GSE1: variants seen among roughly 807,000 people sequenced by gnomAD.
GSE1 encodes the protein genetic suppressor element 1.
Under a neutral mutation model 112.6 loss-of-function variants are expected in GSE1, and 32 were observed. The ratio of observed to expected loss-of-function variants is 0.28; its 90% CI spans 0.21 to 0.38. GSE1 has a LOEUF of 0.38. Among genes scored for constraint, GSE1 ranks in the 10% least tolerant of loss-of-function variants. The probability of loss-of-function intolerance (pLI) is 1.00; values close to 1 mark genes in which losing one functional copy is unlikely to be tolerated. For missense variants in GSE1, 2,348 were observed against 1,699.2 expected (o/e 1.38, Z -6.71); for synonymous variants, 1,115 against 735.6 (o/e 1.52, Z -8.35).
At chr16:85,658,598 G>A (rs964873344) in intron 8 of GSE1, among the ~76,000 whole-genome samples, 1 of 152,178 alleles carries the variant, frequency 6.6e-6, no homozygotes, top group South Asian at 2.1e-4. Flanking sequence ...GGGATGACTG[G>A]GAGTGACTGT....
At chr16:85,245,831 C>G (rs1206825504) in intron 1 of GSE1, among the ~76,000 whole-genome samples, 1 of 152,042 alleles carries the variant, frequency 6.6e-6, no homozygotes, top group Admixed American at 6.5e-5. Context: ...CAAAACCCAA[C>G]CCTGAACTTT....
chr16:85,651,039 C>T (rs1236822135), intron 3 of GSE1, among the ~76,000 whole-genome samples: 1 of 121,236 alleles, frequency 8.2e-6, no homozygotes, highest in Admixed American at 7.8e-5. Context: ...CCTCCCCCTC[C>T]CCCTCCGCCC....
chr16:85,437,078 C>G lies in GSE1; in HGVS notation c.2464+79435C>G, dbSNP rs988385978. On this transcript the variant is annotated intron_variant, in intron 2 of 2. Transcript: ENST00000637419. ...GGGCGGGGGCATGGGCGCAGCCGGC[C>G]GGTCTCACAAGCTACCACACCCATG... Among the ~76,000 whole-genome samples the G allele has an allele frequency of 4.6e-5, 7 of 152,222 alleles. No homozygotes were observed. The South Asian group carries it at 1.2e-3, about 27-fold the overall frequency.
At chr16:85,460,810 T>C (rs1191770740) in intron 2 of GSE1, among the ~76,000 whole-genome samples, 1 of 105,920 alleles carries the variant, frequency 9.4e-6, no homozygotes, top group Admixed American at 1.4e-4. Context: ...GAGAAGGAGC[T>C]GAGGAAGCCA....
At chr16:85,247,509 G>A (rs372836958) in intron 1 of GSE1, among the ~76,000 whole-genome samples, 7 of 152,162 alleles carry the variant, frequency 4.6e-5, no homozygotes, top group African/African-American at 1.4e-4. Flanking sequence ...GGACCCGCAC[G>A]TCATGCTCCT....
intron 2 of GSE1, among the ~76,000 whole-genome samples, chr16:85,460,165 C>T (rs1408726319): frequency 6.6e-6 from 1 of 152,220 alleles, no homozygotes; most frequent in East Asian, 1.9e-4. Context: ...GACACTCCAG[C>T]CTGAAACACC....
intron 2 of GSE1, among the ~76,000 whole-genome samples, chr16:85,523,960 A>G (rs552563021): frequency 4.0e-4 from 61 of 152,234 alleles, no homozygotes; most frequent in African/African-American, 1.4e-3. Flanking sequence ...CCCACTGAGG[A>G]ACGCCTTGGG....
intron 2 of GSE1, among the ~76,000 whole-genome samples, chr16:85,646,981 C>G (rs1045496041): frequency 6.6e-6 from 1 of 152,170 alleles, no homozygotes; most frequent in East Asian, 1.9e-4. Flanking sequence ...CACCCCCTAC[C>G]CCTGCCACCA....
At chr16:85,209,060 C>T (rs2143638346) in intron 1 of GSE1, among the ~76,000 whole-genome samples, 1 of 147,624 alleles carries the variant, frequency 6.8e-6, no homozygotes, top group Admixed American at 6.7e-5. Context: ...TGTTGGGGTT[C>T]ACCTGTGTTG....
rs1055232809 is a variant in GSE1, at chr16:85,211,746, G to A, written c.2283+39939G>A. Among the ~76,000 whole-genome samples, 37 of 152,324 alleles carry A rather than the reference G, an allele frequency of 2.4e-4. 2 individuals are homozygous for A. The South Asian group carries it at 3.3e-3, about 14-fold the overall frequency. ...GCCTGACAGGGTACTGGGCACCCGC[G>A]AGAGAGGTATCAGTGCCTGCCCAGT... On this transcript the variant is annotated intron_variant, in intron 1 of 2. Coordinates refer to the GSE1 transcript ENST00000637419.
chr16:85,485,609 C>T (rs1026828400), intron 2 of GSE1, among the ~76,000 whole-genome samples: 6 of 152,258 alleles, frequency 3.9e-5, no homozygotes, highest in South Asian at 2.1e-4. Flanking sequence ...TGAGCCTGCT[C>T]GCACCATTAG....
At chr16:85,383,709 G>T (rs2047619552) in intron 2 of GSE1, among the ~76,000 whole-genome samples, 1 of 152,182 alleles carries the variant, frequency 6.6e-6, no homozygotes. Flanking sequence ...GGGGAGCAGA[G>T]GCCAAGAGGA....
At position 85,414,177 on chromosome 16, in the gene GSE1, C is replaced by T. The variant is rs1171259544; in HGVS notation, c.2464+56534C>T. Among the ~76,000 whole-genome samples the T allele has an allele frequency of 1.3e-5, 2 of 152,160 alleles. 1 individual carries two copies. The highest frequency in any genetic ancestry group is 6.3e-3 in the Middle Eastern group (2 of 316). On this transcript the variant is annotated intron_variant, in intron 2 of 2. Coordinates refer to the GSE1 transcript ENST00000637419. ...CACGCTCCCCTTCCATGCCACAGGT[C>T]TATGGGATGAGGAGTCAAGCTAGAC...
intron 1 of GSE1, among the ~76,000 whole-genome samples, chr16:85,604,742 CAAAAAAAAAAAAAAA>C (rs36152099): frequency 3.3e-3 from 2 of 608 alleles, no homozygotes; most frequent in African/African-American, 5.7e-3. Flanking sequence ...GAGATTCTGT[CAAAAAAAAAAAAAAA>C]AAAAAAAAAA....
chr16:85,469,276 G>T (rs143102321), intron 2 of GSE1, among the ~76,000 whole-genome samples: 1 of 151,908 alleles, frequency 6.6e-6, no homozygotes, highest in African/African-American at 2.4e-5. Flanking sequence ...AAGTGGGCCC[G>T]AAATTCAATG....
chr16:85,505,649 G>A (rs922603108), intron 2 of GSE1, among the ~76,000 whole-genome samples: 2 of 152,238 alleles, frequency 1.3e-5, no homozygotes. Context: ...AGGGTCTGGC[G>A]TGTATAGACA....
chr16:85,328,605 G>C (rs537026068), intron 1 of GSE1, among the ~76,000 whole-genome samples: 1 of 152,336 alleles, frequency 6.6e-6, no homozygotes, highest in African/African-American at 2.4e-5. Context: ...AAAGAAAAAA[G>C]CCACAACATG....
chr16:85,235,721 C>T (rs1006290679), intron 1 of GSE1, among the ~76,000 whole-genome samples: 3 of 151,856 alleles, frequency 2.0e-5, no homozygotes, highest in African/African-American at 7.3e-5. Context: ...CCCTTCCCCT[C>T]TGCGGCGGGA....
rs2052403996 is a variant in GSE1, at chr16:85,661,247, C to T, written c.1742C>T (p.Pro581Leu). ...CCCAAGCCCCAGCTCCATGCTGCAC[C>T]CACGGCCCTCTGGAACCCCGTGTCC... The part of the protein sequence containing the change: ...ISPKPQLHAA[P>L]TALWNPVSLM... Residue 581 changes from proline to leucine, a missense_variant, in exon 9 of 16, where the codon CCC (proline) becomes CTC (leucine). By Grantham distance (98) the Pro-to-Leu change is moderately conservative. Coordinates refer to ENST00000253458, the MANE Select transcript of GSE1 (RefSeq NM_014615.5). 1.9e-6 allele frequency: 3 copies of T among 1,612,974 alleles called. No individual in the cohort carries two copies. The highest frequency in any genetic ancestry group is 2.5e-6 in the Non-Finnish European group (3 of 1,179,988).
Sources: gnomAD v4.1 joint callset for allele counts (sites outside exome capture counted in the v4.1 genomes callset) on GRCh38, gnomAD v4.1.1 for gene constraint, MANE v1.5 for transcripts, NCBI Gene and HGNC (gene_info 2026-07-23, HGNC 2026-07-21) for gene names.